CCDC88B: variants seen among roughly 807,000 people sequenced by gnomAD.
CCDC88B encodes the protein coiled-coil domain-containing protein 88B.
CCDC88B carries 138 observed loss-of-function variants against 183.7 expected under a neutral mutation model. That is an observed-to-expected ratio of 0.75 (90% CI 0.65 to 0.87). The LOEUF (loss-of-function observed/expected upper bound fraction) is 0.87. Ranked by LOEUF, CCDC88B falls within the 40% of genes least tolerant of loss-of-function variation. The probability of loss-of-function intolerance (pLI) is 0.00; values close to 1 mark genes in which losing one functional copy is unlikely to be tolerated. For missense variants in CCDC88B, 1,822 were observed against 1,965.6 expected (o/e 0.93, Z 1.38); for synonymous variants, 835 against 867.5 (o/e 0.96, Z 0.66).
At chr11:64,348,278 A>G (rs947256406) in intron 14 of CCDC88B, among the ~76,000 whole-genome samples, 9 of 144,060 alleles carry the variant, frequency 6.2e-5, no homozygotes, top group Admixed American at 5.0e-4. Flanking sequence ...ATTTTGTGAG[A>G]TTTCCTGGTT....
chr11:64,346,355 G>A (rs558182323), intron 14 of CCDC88B, among the ~76,000 whole-genome samples: 23 of 152,154 alleles, frequency 1.5e-4, no homozygotes, highest in African/African-American at 2.9e-4. Context: ...TGCAACCTCC[G>A]CCTCTCAGGT....
rs559597251 is a variant in CCDC88B at position 64,345,100 on chromosome 11, C to A, written c.2559C>A (p.Gly853=). The A allele has an allele frequency of 1.7e-4, 265 of 1,551,028 alleles. 1 individual carries two copies. In the South Asian group the frequency reaches 2.7e-3, roughly 16 times the overall value. ...EERMQVLESE[G]RQHLEEAERE... ...GGATGCAGGTGCTGGAGAGCGAGGGCCGCCAGCACTTGGAGGAGGCTGAGA... is the reference window on the plus strand; with the variant it reads ...GGATGCAGGTGCTGGAGAGCGAGGGACGCCAGCACTTGGAGGAGGCTGAGA... The change falls in exon 14 of 27, where the codon GGC becomes GGA. Residue 853 remains glycine, a synonymous_variant. Transcript: ENST00000356786.
Position 64,341,626 on chromosome 11 carries a change from C to T in CCDC88B, c.559C>T (p.Leu187=), listed in dbSNP as rs138265263. 171 of 1,603,722 alleles carry T rather than the reference C, an allele frequency of 1.1e-4. No individual in the cohort carries two copies. The African/African-American group carries it at 2.0e-3, about 19-fold the overall frequency. Residue 187 remains leucine, a synonymous_variant, in exon 7 of 27, where the codon CTG becomes TTG. Coordinates refer to ENST00000356786, the MANE Select transcript of CCDC88B (RefSeq NM_032251.6). ...GACCCAGCCGGGGGCCGGCGTGGTG[C>T]TGGCACTGTCTGGGCCAGATCCTGG... ...EVTQPGAGVV[L]ALSGPDPGEL...
At chr11:64,351,448 G>T (rs1473942878) in intron 17 of CCDC88B, 28 bp from the exon 18 acceptor site, 1 of 1,574,470 alleles carries the variant, frequency 6.4e-7, no homozygotes. Flanking sequence ...CCGCCACCTG[G>T]CTATTGCTAA....
intron 19 of CCDC88B, among the ~76,000 whole-genome samples, 156 bp from the exon 20 acceptor site, chr11:64,352,588 G>T (rs968582367): frequency 1.8e-4 from 27 of 152,244 alleles, no homozygotes; most frequent in African/African-American, 6.5e-4. Flanking sequence ...ATTGGGAGTG[G>T]TGGGCACCTG....
At chr11:64,355,538 G>C (rs777021928) in intron 25 of CCDC88B, 22 bp from the exon 26 acceptor site, 2 of 1,612,850 alleles carry the variant, frequency 1.2e-6, no homozygotes, top group Non-Finnish European at 1.7e-6. Flanking sequence ...CCTGGGCCCA[G>C]TGGTTGCCTT....
intron 26 of CCDC88B, 90 bp downstream of exon 26, chr11:64,355,718 T>C (rs552112299): frequency 7.7e-7 from 1 of 1,290,672 alleles, no homozygotes; most frequent in East Asian, 2.5e-5. Context: ...CATTCGACAA[T>C]GATCCTTTAC....
At position 64,352,307 on chromosome 11, in the gene CCDC88B, G is replaced by T; in HGVS notation, c.3277G>T (p.Glu1093Ter). Residue 1093 changes from glutamate (E) to a stop codon, truncating the protein, a stop_gained, in exon 19 of 27, where the codon GAG (glutamate) becomes TAG (stop). Coordinates refer to ENST00000356786, the MANE Select transcript of CCDC88B (RefSeq NM_032251.6). LOFTEE classifies it high-confidence loss of function. ...GCAGCGGCGGCAGGAGGCCGAGCTA[G>T]AGGGACTGCTGGTGCGGCACCGAGA... is the stretch of plus-strand genomic sequence containing the variant. ...QLQRRQEAEL[E>*]GLLVRHRDLK... 1 of 1,559,280 alleles carries T rather than the reference G, an allele frequency of 6.4e-7. No homozygotes were observed. The highest frequency in any genetic ancestry group is 1.2e-5 in the South Asian group (1 of 85,866).
In CCDC88B at chr11:64,342,443, C is replaced by T. The variant is rs1000167890; in HGVS notation, c.903+68C>T. The stretch of plus-strand genomic sequence containing the variant: ...CCCCGCACCCGGTCCCATTGCCTCC[C>T]TCCCAACCCGGCTCCTTCCCGTCCC... On this transcript the variant is annotated intron_variant, in intron 9 of 26. Transcript: ENST00000356786. The T allele has an allele frequency of 4.5e-6, 7 of 1,544,836 alleles. No homozygotes were observed. The African/African-American group carries it at 6.8e-5, about 15-fold the overall frequency.
chr11:64,356,697 G>GCGC, intron 26 of CCDC88B: 1 of 376,692 alleles, frequency 2.7e-6, no homozygotes, highest in Non-Finnish European at 4.8e-6. Context: ...CCATCAGGAG[G>GCGC]CGCTAATGCT....
In CCDC88B at chr11:64,353,233, A is replaced by G. The variant is rs1376585559; in HGVS notation, c.3680A>G (p.Gln1227Arg). ...CTGAGCGCCTGCCGGCTGACCACGC[A>G]GTGTGAGGTGTGGCTGGAGGGCCGG... ...LDLSACRLTT[Q>R]CELLTQLRSA... Residue 1227 changes from glutamine to arginine, a missense_variant, in exon 21 of 27, where the codon CAG becomes CGG. Coordinates refer to ENST00000356786, the MANE Select transcript of CCDC88B (RefSeq NM_032251.6). The G allele has an allele frequency of 1.9e-6, 3 of 1,565,660 alleles. No homozygotes were observed. Among genetic ancestry groups the G allele is most frequent in the Admixed American group, 1.8e-5 (1 of 54,304 alleles).
chr11:64,344,396 T>C lies in CCDC88B; in HGVS notation c.1855T>C (p.Leu619=), dbSNP rs754076007. The C allele has an allele frequency of 6.3e-7, 1 of 1,585,576 alleles. No homozygotes were observed. The highest frequency in any genetic ancestry group is 8.6e-7 in the Non-Finnish European group (1 of 1,166,862). The change falls in exon 14 of 27, where the codon TTG becomes CTG. Residue 619 remains leucine, a synonymous_variant. Coordinates refer to ENST00000356786, the MANE Select transcript of CCDC88B (RefSeq NM_032251.6). The surrounding 1 kb of genome is among the most constrained non-coding windows in gnomAD (Gnocchi z 4.5). ...GPGTKIQAPQ[L]LGGETEGREA... ...AGGGACCAAAATTCAGGCCCCGCAG[T>C]TGCTGGGAGGAGAGACAGAGGGAAG...
intron 26 of CCDC88B, chr11:64,356,722 G>A: frequency 2.3e-6 from 1 of 427,600 alleles, no homozygotes; most frequent in African/African-American, 2.0e-5. Flanking sequence ...GAAGAAAGGA[G>A]AGCAGGGGAG....
intron 22 of CCDC88B, 68 bp downstream of exon 22, chr11:64,353,564 A>C (rs948455593): frequency 6.3e-7 from 1 of 1,584,784 alleles, no homozygotes; most frequent in Non-Finnish European, 8.6e-7. Context: ...GAGAGCCCTT[A>C]GTGAGGGCCT....
chr11:64,349,791 C>T (rs1214129876), intron 16 of CCDC88B, 123 bp downstream of exon 16: 1 of 940,158 alleles, frequency 1.1e-6, no homozygotes, highest in African/African-American at 1.6e-5. Flanking sequence ...ACTTGCCTCA[C>T]TCCCCATGTG....
rs762001351 is a variant in CCDC88B at position 64,353,755 on chromosome 11, G to A, written c.3874G>A (p.Val1292Met). The A allele has an allele frequency of 4.3e-6, 7 of 1,614,122 alleles. No individual in the cohort carries two copies. The highest frequency in any genetic ancestry group is 4.0e-5 in the African/African-American group (3 of 75,034). ...NALRREKQKL[V>M]EKIMDQYRVL... ...CCTGCGCCGCGAGAAGCAGAAGCTC[G>A]TGGAGAAGATCATGGACCAATACCG... The change falls in exon 23 of 27, where the codon GTG (valine) becomes ATG (methionine). Residue 1292 changes from valine (V) to methionine (M), a missense_variant. Physicochemically the swap from Val to Met is conservative, Grantham distance 21. Coordinates refer to ENST00000356786, the MANE Select transcript of CCDC88B (RefSeq NM_032251.6).
chr11:64,342,130 G>C lies in CCDC88B; in HGVS notation c.812G>C (p.Arg271Pro). The C allele has an allele frequency of 6.8e-6, 11 of 1,608,586 alleles. No individual in the cohort carries two copies. The highest frequency in any genetic ancestry group is 9.3e-6 in the Non-Finnish European group (11 of 1,178,560). Residue 271 changes from arginine (R) to proline (P), a missense_variant, in exon 8 of 27, where the codon CGG (arginine) becomes CCG (proline). Coordinates refer to ENST00000356786, the MANE Select transcript of CCDC88B (RefSeq NM_032251.6). ...GCCAAGGCTCAGCTGCGGCGTCTGC[G>C]GCAGGAGCTGTGAGTGTGCGCAGCC... is the stretch of plus-strand genomic sequence containing the variant. ...ANAKAQLRRL[R>P]QELEEKAELL...
In CCDC88B at chr11:64,344,252, G is replaced by A; in HGVS notation, c.1711G>A (p.Ala571Thr). Residue 571 changes from alanine to threonine, a missense_variant, in exon 14 of 27, where the codon GCC becomes ACC. By Grantham distance (58) the Ala-to-Thr change is moderately conservative. Transcript: ENST00000356786. This position sits in a 1 kb window ranked among gnomAD's most constrained non-coding sequence, Gnocchi z 4.5. Reference protein sequence around the residue: ...PLQAAAMDPQASDWSPQESGS... With the variant: ...PLQAAAMDPQTSDWSPQESGS... ...TCAGGCAGCTGCCATGGACCCCCAG[G>A]CCTCAGACTGGTCCCCGCAAGAGTC... The A allele has an allele frequency of 6.2e-7, 1 of 1,613,720 alleles. No individual in the cohort carries two copies. The highest frequency in any genetic ancestry group is 8.5e-7 in the Non-Finnish European group (1 of 1,179,976).
At chr11:64,356,850 G>A (rs190412276) in intron 26 of CCDC88B, 189 bp from the exon 27 acceptor site, 352 of 572,768 alleles carry the variant, frequency 6.1e-4, no homozygotes, top group Admixed American at 1.9e-3. Flanking sequence ...AGAGTTTGTC[G>A]TGTGGACATA....
Sources: gnomAD v4.1 joint callset for allele counts (sites outside exome capture counted in the v4.1 genomes callset) on GRCh38, gnomAD v4.1.1 for gene constraint, Gnocchi (gnomAD v3.1) non-coding constraint, MANE v1.5 for transcripts, NCBI Gene and HGNC (gene_info 2026-07-23, HGNC 2026-07-21) for gene names.